The following KIF16B variants were observed in gnomAD, a reference collection of about 807,000 sequenced individuals.
The protein encoded by KIF16B is kinesin family member 16B.
KIF16B carries 98 observed loss-of-function variants against 156.3 expected under a neutral mutation model. That is an observed-to-expected ratio of 0.63 (90% CI 0.53 to 0.74). The LOEUF is 0.74. Among genes scored for constraint, KIF16B ranks in the 30% least tolerant of loss-of-function variants. The pLI is 0.00. For missense variants in KIF16B, 1,421 were observed against 1,606.5 expected (o/e 0.88, Z 1.97); for synonymous variants, 564 against 583.7 (o/e 0.97, Z 0.49).
intron 12 of KIF16B, among the ~76,000 whole-genome samples, chr20:16,431,933 C>CACACACACACAT (rs774657964): frequency 5.9e-4 from 90 of 151,340 alleles, no homozygotes; most frequent in African/African-American, 1.6e-3. Flanking sequence ...CACACACACA[C>CACACACACACAT]ACACACGCAC....
At chr20:16,539,146 G>A (rs944943584) in intron 1 of KIF16B, among the ~76,000 whole-genome samples, 1 of 152,044 alleles carries the variant, frequency 6.6e-6, no homozygotes, top group Non-Finnish European at 1.5e-5. Flanking sequence ...TTGGTACCAA[G>A]CAGTAGGGCA....
intron 23 of KIF16B, among the ~76,000 whole-genome samples, chr20:16,353,003 G>A (rs978583952): frequency 6.6e-6 from 1 of 152,100 alleles, no homozygotes; most frequent in African/African-American, 2.4e-5. Context: ...CCATCATGCG[G>A]GATAACGAAA....
chr20:16,302,114 C>A (rs1009594879), intron 25 of KIF16B, among the ~76,000 whole-genome samples: 1 of 152,168 alleles, frequency 6.6e-6, no homozygotes, highest in African/African-American at 2.4e-5. Context: ...TTTTGCAGAG[C>A]AGAAGTTTTA....
intron 12 of KIF16B, among the ~76,000 whole-genome samples, chr20:16,472,855 C>T (rs781372126): frequency 1.3e-5 from 2 of 152,150 alleles, no homozygotes; most frequent in Non-Finnish European, 2.9e-5. Context: ...TACCTAAGAG[C>T]ATACCGTTTG....
chr20:16,358,343 G>A lies in KIF16B; in HGVS notation c.3499-1891C>T, dbSNP rs116382598. ...ACATACTTGAACCTTTTAGGATCAC[G>A]TGAATGATCGGGTTCTCAAAAAAGT... On this transcript the variant is annotated intron_variant, in intron 22 of 25. Transcript: ENST00000354981. Among the ~76,000 whole-genome samples the A allele has an allele frequency of 4.8e-3, 731 of 152,258 alleles. 7 individuals carry two copies. The highest frequency in any genetic ancestry group is 0.017 in the African/African-American group (716 of 41,548).
intron 3 of KIF16B, among the ~76,000 whole-genome samples, chr20:16,516,960 C>A (rs2069163927): frequency 6.6e-6 from 1 of 152,188 alleles, no homozygotes; most frequent in Non-Finnish European, 1.5e-5. Flanking sequence ...AGTACAGGGA[C>A]CCTGCATGGA....
intron 12 of KIF16B, among the ~76,000 whole-genome samples, chr20:16,493,230 A>T (rs1194330946): frequency 6.6e-6 from 1 of 152,066 alleles, no homozygotes; most frequent in African/African-American, 2.4e-5. Context: ...CTTAAGCACA[A>T]CCTCTGATCT....
chr20:16,355,276 C>G (rs1192926442), intron 23 of KIF16B, among the ~76,000 whole-genome samples: 1 of 152,172 alleles, frequency 6.6e-6, no homozygotes, highest in East Asian at 1.9e-4. Context: ...CAGCTCTAGG[C>G]TTCCCTGCCT....
At chr20:16,549,301 C>T (rs1256715145) in intron 1 of KIF16B, among the ~76,000 whole-genome samples, 2 of 150,102 alleles carry the variant, frequency 1.3e-5, no homozygotes, top group South Asian at 2.1e-4. Context: ...TTTGGTTTTT[C>T]GATCTTGCGA....
At chr20:16,454,101 A>C (rs1300470783) in intron 12 of KIF16B, among the ~76,000 whole-genome samples, 1 of 152,164 alleles carries the variant, frequency 6.6e-6, no homozygotes, top group Admixed American at 6.5e-5. Context: ...TGTACCGTGC[A>C]CTTGTGAAAA....
rs186812386 is a variant in KIF16B, at chr20:16,327,559, T to G, written c.3711+8367A>C. On this transcript the variant is annotated intron_variant, in intron 24 of 25. Coordinates refer to ENST00000354981, the MANE Select transcript of KIF16B (RefSeq NM_024704.5). ...GGAGGATTTGCTCCCAATTACACAC[T>G]CCTGAGCCCCAAGTCAGATTTACTG... Among the ~76,000 whole-genome samples, 16 of 152,236 alleles carry G rather than the reference T, an allele frequency of 1.1e-4. No homozygotes were observed. The East Asian group carries it at 2.9e-3, about 28-fold the overall frequency.
At chr20:16,403,273 T>G (rs897021353) in intron 17 of KIF16B, among the ~76,000 whole-genome samples, 2 of 152,218 alleles carry the variant, frequency 1.3e-5, no homozygotes, top group Non-Finnish European at 2.9e-5. Context: ...TAGCTGAAAT[T>G]ACACTAAAGA....
intron 1 of KIF16B, among the ~76,000 whole-genome samples, chr20:16,535,224 A>C (rs993829209): frequency 6.6e-6 from 1 of 152,064 alleles, no homozygotes; most frequent in Non-Finnish European, 1.5e-5. Context: ...TCTTGGTTAA[A>C]TTTATTCCCA....
intron 21 of KIF16B, among the ~76,000 whole-genome samples, chr20:16,371,328 T>C (rs2064812549): frequency 1.3e-5 from 2 of 152,176 alleles, no homozygotes; most frequent in Admixed American, 1.3e-4. Flanking sequence ...GGCTCACACC[T>C]GTAATCCCAG....
intron 1 of KIF16B, among the ~76,000 whole-genome samples, chr20:16,547,951 A>G (rs1231597834): frequency 6.6e-6 from 1 of 151,858 alleles, no homozygotes; most frequent in Admixed American, 6.6e-5. Flanking sequence ...CCCCAAACCA[A>G]TTAAATCTGA....
intron 14 of KIF16B, among the ~76,000 whole-genome samples, chr20:16,428,185 G>A (rs1440772159): frequency 2.0e-5 from 3 of 152,154 alleles, no homozygotes; most frequent in African/African-American, 4.8e-5. Flanking sequence ...TTAGGTTGGT[G>A]CAAAAGTAAC....
At chr20:16,504,680 G>A in intron 9 of KIF16B, 133 bp from the exon 10 acceptor site, 1 of 640,994 alleles carries the variant, frequency 1.6e-6, no homozygotes, top group South Asian at 2.5e-5. Context: ...CCACAGTAAT[G>A]AATATGAAAA....
At chr20:16,477,200 T>TC (rs869233365) in intron 12 of KIF16B, among the ~76,000 whole-genome samples, 1 of 122,400 alleles carries the variant, frequency 8.2e-6, no homozygotes, top group Non-Finnish European at 1.6e-5. Context: ...TTTTTTTTTT[T>TC]CTCTCCTTAA....
intron 12 of KIF16B, among the ~76,000 whole-genome samples, chr20:16,484,083 G>A (rs16997688): frequency 0.02 from 2,993 of 152,140 alleles, 102 homozygotes; most frequent in African/African-American, 0.069. Flanking sequence ...ATGCCTCGCC[G>A]CAAAAGATCA....
Sources: allele counts gnomAD v4.1 joint callset (sites outside exome capture counted in the v4.1 genomes callset), GRCh38; gene constraint gnomAD v4.1.1; transcripts MANE v1.5; gene names NCBI Gene and HGNC (gene_info 2026-07-23, HGNC 2026-07-21).